Variants in FMNL2 observed in about 807,000 individuals in gnomAD.
FMNL2 encodes the protein formin-like protein 2.
Under a neutral mutation model 130.2 loss-of-function variants are expected in FMNL2, and 51 were observed. That is an observed-to-expected ratio of 0.39 (90% CI 0.31 to 0.49). The LOEUF (loss-of-function observed/expected upper bound fraction) is 0.49. Ranked by LOEUF, FMNL2 falls within the 20% of genes least tolerant of loss-of-function variation. The pLI is 0.85. For missense variants in FMNL2, 977 were observed against 1,316.2 expected, an observed-to-expected ratio of 0.74 and a Z score of 3.99; for synonymous variants, 465 against 467.1, an observed-to-expected ratio of 1.00 and a Z score of 0.06.
intron 1 of FMNL2, among the ~76,000 whole-genome samples, chr2:152,450,935 A>G (rs1688605123): frequency 6.6e-6 from 1 of 152,224 alleles, no homozygotes; most frequent in Admixed American, 6.5e-5. Flanking sequence ...GGGATGTGGC[A>G]GGTCGCTGGG....
Position 152,494,170 on chromosome 2 carries a change from C to T in FMNL2, c.118-27773C>T, listed in dbSNP as rs191065813. Among the ~76,000 whole-genome samples, 53 of 152,328 alleles carry T rather than the reference C, an allele frequency of 3.5e-4. No individual in the cohort carries two copies. In the East Asian group the frequency reaches 9.8e-3, roughly 28 times the overall value. ...GGTATGATAAACGAGGGTCACCCAACTGTGAGGCCAGAGGAAGGGAGACTA... is the reference window on the plus strand; with the variant it reads ...GGTATGATAAACGAGGGTCACCCAATTGTGAGGCCAGAGGAAGGGAGACTA... On this transcript the variant is annotated intron_variant, in intron 1 of 25. Coordinates refer to ENST00000288670, the MANE Select transcript of FMNL2 (RefSeq NM_052905.4).
chr2:152,400,691 C>T (rs936685380), intron 1 of FMNL2, among the ~76,000 whole-genome samples: 1 of 152,148 alleles, frequency 6.6e-6, no homozygotes, highest in African/African-American at 2.4e-5. Flanking sequence ...GACCAGATAA[C>T]TGTTATGTCA....
At chr2:152,637,523 A>G (rs771715095) in intron 22 of FMNL2, 50 bp from the exon 23 acceptor site, 2 of 1,443,998 alleles carry the variant, frequency 1.4e-6, no homozygotes, top group Non-Finnish European at 1.9e-6. Context: ...TAGAGCATCC[A>G]GTTCAAATGC....
intron 15 of FMNL2, among the ~76,000 whole-genome samples, chr2:152,620,536 C>G (rs997695794): frequency 6.6e-6 from 1 of 152,134 alleles, no homozygotes; most frequent in Non-Finnish European, 1.5e-5. Context: ...ATCCCTGTGA[C>G]GTGGGGTAAT....
intron 1 of FMNL2, among the ~76,000 whole-genome samples, chr2:152,458,812 T>C (rs1689089073): frequency 6.6e-6 from 1 of 152,196 alleles, no homozygotes; most frequent in Admixed American, 6.5e-5. Flanking sequence ...ATAGGCATCA[T>C]GCTTTACATG....
In FMNL2 at chr2:152,574,368, G is replaced by A. The variant is rs567135666; in HGVS notation, c.597-768G>A. Among the ~76,000 whole-genome samples the A allele has an allele frequency of 2.0e-5, 3 of 151,584 alleles. No individual in the cohort carries two copies. In the East Asian group the frequency reaches 5.8e-4, roughly 29 times the overall value. On this transcript the variant is annotated intron_variant, in intron 6 of 25. Transcript: ENST00000288670. ...GGAGAATCGCTTGAACCTGGGAGGT[G>A]GAGGTTGCAGTGAGCTGAGGTCGTG...
intron 7 of FMNL2, among the ~76,000 whole-genome samples, chr2:152,577,950 A>C (rs141858841): frequency 7.2e-5 from 11 of 152,258 alleles, no homozygotes; most frequent in African/African-American, 2.6e-4. Flanking sequence ...GTTACTTAAG[A>C]TAATTTGCAT....
At chr2:152,419,635 T>G (rs1579620321) in intron 1 of FMNL2, among the ~76,000 whole-genome samples, 1 of 152,040 alleles carries the variant, frequency 6.6e-6, no homozygotes, top group East Asian at 1.9e-4. Context: ...TTTTAATAGC[T>G]TTTTTCTGGG....
intron 1 of FMNL2, among the ~76,000 whole-genome samples, chr2:152,501,367 G>A (rs1691823961): frequency 6.6e-6 from 1 of 152,158 alleles, no homozygotes; most frequent in African/African-American, 2.4e-5. Flanking sequence ...TTCCCAAAAG[G>A]GAACTCAGAA....
intron 1 of FMNL2, among the ~76,000 whole-genome samples, chr2:152,511,990 A>G (rs1489881090): frequency 6.6e-6 from 1 of 152,208 alleles, no homozygotes; most frequent in Non-Finnish European, 1.5e-5. Context: ...CAACAGCAGA[A>G]TAAGAACACT....
intron 9 of FMNL2, among the ~76,000 whole-genome samples, chr2:152,595,268 A>C (rs1697700044): frequency 6.6e-6 from 1 of 152,176 alleles, no homozygotes; most frequent in Non-Finnish European, 1.5e-5. Context: ...CATTGGTAAA[A>C]GATAATGATC....
chr2:152,400,774 C>T (rs758262364), intron 1 of FMNL2, among the ~76,000 whole-genome samples: 2 of 152,206 alleles, frequency 1.3e-5, no homozygotes, highest in African/African-American at 2.4e-5. Flanking sequence ...CACTGAGTAG[C>T]ACTGCCTCTT....
In FMNL2 at chr2:152,448,985, C is replaced by G. The variant is rs112013600; in HGVS notation, c.118-72958C>G. Among the ~76,000 whole-genome samples the G allele has an allele frequency of 8.0e-3, 1,218 of 152,308 alleles. 17 individuals are homozygous for G. Among genetic ancestry groups the G allele is most frequent in the African/African-American group, 0.028 (1,148 of 41,570 alleles). ...ACCAAAAGACCTGTGCCTGGCAAAG[C>G]CATGTTGAAGCCTCTAATGTCTAAT... On this transcript the variant is annotated intron_variant, in intron 1 of 25. Coordinates refer to ENST00000288670, the MANE Select transcript of FMNL2 (RefSeq NM_052905.4).
chr2:152,471,039 G>A (rs1404699272), intron 1 of FMNL2, among the ~76,000 whole-genome samples: 3 of 152,084 alleles, frequency 2.0e-5, no homozygotes, highest in African/African-American at 7.2e-5. Context: ...TTCTGTGGAA[G>A]TGTTACAGAA....
At chr2:152,517,935 G>A (rs1692867299) in intron 1 of FMNL2, among the ~76,000 whole-genome samples, 1 of 152,170 alleles carries the variant, frequency 6.6e-6, no homozygotes, top group South Asian at 2.1e-4. Context: ...GAGTGGGTGA[G>A]GTAGAGTTGT....
chr2:152,341,023 C>T (rs1238344819), intron 1 of FMNL2, among the ~76,000 whole-genome samples: 4 of 152,190 alleles, frequency 2.6e-5, no homozygotes, highest in African/African-American at 9.7e-5. Context: ...AGTTTACTTC[C>T]CACTGCAAGG....
intron 3 of FMNL2, among the ~76,000 whole-genome samples, chr2:152,548,141 A>C (rs138728346): frequency 6.6e-6 from 1 of 152,226 alleles, no homozygotes; most frequent in East Asian, 1.9e-4. Context: ...TCATGTCAGG[A>C]GGGTGGTGTG....
At chr2:152,514,066 G>A (rs377621019) in intron 1 of FMNL2, among the ~76,000 whole-genome samples, 12 of 152,250 alleles carry the variant, frequency 7.9e-5, no homozygotes, top group African/African-American at 2.6e-4. Context: ...GGCAGGCCAT[G>A]TGCTGAATTT....
chr2:152,469,734 A>G (rs973426151), intron 1 of FMNL2, among the ~76,000 whole-genome samples: 3 of 152,114 alleles, frequency 2.0e-5, no homozygotes, highest in Admixed American at 2.0e-4. Flanking sequence ...TTCTTCTGCT[A>G]TGTTTTCTGG....
Sources: gnomAD v4.1 joint callset for allele counts (sites outside exome capture counted in the v4.1 genomes callset) on GRCh38, gnomAD v4.1.1 for gene constraint, MANE v1.5 for transcripts, NCBI Gene and HGNC (gene_info 2026-07-23, HGNC 2026-07-21) for gene names.